The following MYO5C variants were observed in gnomAD, a reference collection of about 807,000 sequenced individuals.
The protein encoded by MYO5C is myosin VC, also known as unconventional myosin-Vc.
MYO5C carries 194 observed loss-of-function variants against 235.7 expected under a neutral mutation model. The ratio of observed to expected loss-of-function variants is 0.82; its 90% CI spans 0.73 to 0.93. The LOEUF (loss-of-function observed/expected upper bound fraction) is 0.93, where lower values mean the gene tolerates loss of function less well. MYO5C is among the 40% of genes least tolerant of loss of function. The probability of loss-of-function intolerance (pLI) is 0.00; values close to 1 mark genes in which losing one functional copy is unlikely to be tolerated. For synonymous variants in MYO5C, 707 were observed against 754.8 expected, an observed-to-expected ratio of 0.94 and a Z score of 1.04; for missense variants, 2,038 against 2,127.2, an observed-to-expected ratio of 0.96 and a Z score of 0.82.
At chr15:52,293,431 C>G (rs1314606262) in intron 1 of MYO5C, among the ~76,000 whole-genome samples, 3 of 152,208 alleles carry the variant, frequency 2.0e-5, no homozygotes, top group African/African-American at 7.2e-5. Context: ...CCATCCCCTC[C>G]CTCTGACACC....
chr15:52,193,451 G>T lies in MYO5C; in HGVS notation c.*451C>A, dbSNP rs2141250259. 6.5e-6 allele frequency: 1 copy of T among 153,418 alleles called. No homozygotes were observed. Among genetic ancestry groups the T allele is most frequent in the African/African-American group, 2.4e-5 (1 of 41,530 alleles). The allele number at this position is 153,418 out of a possible 1,614,324, so 9.5% of individuals were successfully genotyped here. A position where few individuals can be genotyped will look rare whatever the true frequency, so the allele number is the denominator to read the frequency against. On this transcript the variant is annotated 3_prime_UTR_variant, in exon 41 of 41. Coordinates refer to ENST00000261839, the MANE Select transcript of MYO5C (RefSeq NM_018728.4). ...GCAAGAGAACTTTTGGCAGGTCACG[G>T]TGGCCAAACGGGATTTTTTCCTGGA...
intron 36 of MYO5C, among the ~76,000 whole-genome samples, chr15:52,206,179 C>T (rs2035308185): frequency 6.6e-6 from 1 of 152,188 alleles, no homozygotes; most frequent in African/African-American, 2.4e-5. Flanking sequence ...GTCCCACCCA[C>T]TTCCCTACAA....
intron 38 of MYO5C, among the ~76,000 whole-genome samples, chr15:52,204,327 G>A (rs993078619): frequency 6.6e-6 from 1 of 151,692 alleles, no homozygotes; most frequent in Non-Finnish European, 1.5e-5. Flanking sequence ...CGTTTCTCCT[G>A]CTTGGAACGT....
At chr15:52,286,237 G>A (rs1223942124) in intron 1 of MYO5C, among the ~76,000 whole-genome samples, 8 of 149,364 alleles carry the variant, frequency 5.4e-5, no homozygotes, top group African/African-American at 1.5e-4. Flanking sequence ...GTCAGCCCCC[G>A]CCAGGCCAGC....
intron 9 of MYO5C, among the ~76,000 whole-genome samples, chr15:52,262,652 G>A (rs1346617953): frequency 6.6e-6 from 1 of 152,204 alleles, no homozygotes; most frequent in Non-Finnish European, 1.5e-5. Context: ...AGGAGAGGAA[G>A]GAGAATTACT....
intron 33 of MYO5C, among the ~76,000 whole-genome samples, chr15:52,214,201 C>T (rs1277527313): frequency 6.6e-6 from 1 of 152,166 alleles, no homozygotes; most frequent in East Asian, 1.9e-4. Flanking sequence ...AGTCCATGTT[C>T]AGGATGTCTG....
chr15:52,222,657 AG>A (rs1217427824), intron 29 of MYO5C, among the ~76,000 whole-genome samples: 1 of 150,810 alleles, frequency 6.6e-6, no homozygotes, highest in African/African-American at 2.5e-5. Context: ...AGGTGTGCGG[AG>A]GAAGTATGCC....
intron 16 of MYO5C, 75 bp downstream of exon 16, chr15:52,246,842 G>A (rs1405875002): frequency 5.6e-5 from 67 of 1,204,068 alleles, no homozygotes; most frequent in Non-Finnish European, 7.9e-5. Context: ...CAAGACAATT[G>A]GAAGCAAATT....
At position 52,260,955 on chromosome 15, in the gene MYO5C, G is replaced by A; in HGVS notation, c.1220C>T (p.Ala407Val). 3.7e-6 allele frequency: 6 copies of A among 1,614,206 alleles called. No individual in the cohort carries two copies. Among genetic ancestry groups the A allele is most frequent in the Non-Finnish European group, 5.1e-6 (6 of 1,180,026 alleles). The change falls in exon 10 of 41, where the codon GCT (alanine) becomes GTT (valine). Residue 407 changes from alanine to valine, a missense_variant. Transcript: ENST00000261839. The part of the protein sequence containing the change: ...ARDALAKKIY[A>V]HLFDFIVERI... ...CTCCACAATGAAGTCGAACAGGTGA[G>A]CATAGATCTTTTTGGCCAGTGCATC... is the stretch of plus-strand genomic sequence containing the variant.
chr15:52,214,575 G>C, intron 33 of MYO5C, 28 bp downstream of exon 33: 1 of 1,502,692 alleles, frequency 6.7e-7, no homozygotes, highest in Non-Finnish European at 9.1e-7. Context: ...TAGCTCAAAA[G>C]AATAAGAAAA....
At chr15:52,209,871 ATATTTTTG>A (rs2035405562) in intron 35 of MYO5C, among the ~76,000 whole-genome samples, 1 of 152,158 alleles carries the variant, frequency 6.6e-6, no homozygotes, top group Non-Finnish European at 1.5e-5. Flanking sequence ...TGAATTCATG[ATATTTTTG>A]GAAGGAGAGG....
Position 52,218,552 on chromosome 15 carries a change from C to A in MYO5C, c.3921G>T (p.Arg1307=). 2 of 1,614,226 alleles carry A rather than the reference C, an allele frequency of 1.2e-6. No homozygotes were observed. The highest frequency in any genetic ancestry group is 1.3e-5 in the African/African-American group (1 of 75,064). The part of the protein sequence containing the change: ...ETESEVKCNF[R]QEASRLTLEN... ...CCAAAGTGAGCCGGGATGCTTCCTG[C>A]CGGAAGTTACACTTGACTTCACTTT... Residue 1307 remains arginine (R), a synonymous_variant, in exon 32 of 41, where the codon CGG becomes CGT. Coordinates refer to ENST00000261839, the MANE Select transcript of MYO5C (RefSeq NM_018728.4).
At chr15:52,269,030 C>T (rs1233920571) in intron 8 of MYO5C, among the ~76,000 whole-genome samples, 1 of 152,178 alleles carries the variant, frequency 6.6e-6, no homozygotes, top group Non-Finnish European at 1.5e-5. Flanking sequence ...TAGGATGGTG[C>T]CCAGCACATT....
In MYO5C at chr15:52,251,392, T is replaced by C. The variant is rs1271679251; in HGVS notation, c.1660A>G (p.Lys554Glu). 1 of 1,596,130 alleles carries C rather than the reference T, an allele frequency of 6.3e-7. No individual in the cohort carries two copies. The highest frequency in any genetic ancestry group is 1.3e-5 in the African/African-American group (1 of 74,354). The change falls in exon 13 of 41, where the codon AAG (lysine) becomes GAG (glutamate). Residue 554 changes from lysine to glutamate, a missense_variant and splice_region_variant. Lys to Glu is a moderately conservative substitution (Grantham distance 56). Coordinates refer to ENST00000261839, the MANE Select transcript of MYO5C (RefSeq NM_018728.4). ...ATTGATGGAGACCTTCACGGTACCT[T>C]ATCAGCAAAGTGCTGGATGACAAAG... ...TSFVIQHFAD[K>E]VEYKCEGFLE...
At chr15:52,283,156 C>T (rs563231426) in intron 1 of MYO5C, among the ~76,000 whole-genome samples, 14 of 152,212 alleles carry the variant, frequency 9.2e-5, no homozygotes, top group South Asian at 2.1e-4. Context: ...AAGAAATCCG[C>T]GAGTCCCTTA....
intron 13 of MYO5C, among the ~76,000 whole-genome samples, chr15:52,249,317 T>C (rs2036422048): frequency 6.6e-6 from 1 of 152,190 alleles, no homozygotes; most frequent in Non-Finnish European, 1.5e-5. Flanking sequence ...AAACTCTCCA[T>C]GCTGCCCTTT....
intron 8 of MYO5C, among the ~76,000 whole-genome samples, chr15:52,265,641 T>C (rs2036792557): frequency 6.6e-6 from 1 of 151,786 alleles, no homozygotes; most frequent in Admixed American, 6.6e-5. Context: ...TAGGCTCAAG[T>C]AATCCTCCCA....
chr15:52,285,028 T>C (rs2037231750), intron 1 of MYO5C, among the ~76,000 whole-genome samples: 1 of 152,094 alleles, frequency 6.6e-6, no homozygotes, highest in South Asian at 2.1e-4. Flanking sequence ...CAACATTGCA[T>C]TATGCTTAAC....
rs1158363103 is a variant in MYO5C at position 52,193,291 on chromosome 15, G to C, written c.*611C>G. 2 of 138,740 alleles carry C rather than the reference G, an allele frequency of 1.4e-5. No homozygotes were observed. The highest frequency in any genetic ancestry group is 3.0e-5 in the Non-Finnish European group (2 of 65,632). 8.6% of individuals were successfully genotyped at this position (138,740 alleles called of 1,614,324 possible). A position where few individuals can be genotyped will look rare whatever the true frequency, so the allele number is the denominator to read the frequency against. On this transcript the variant is annotated 3_prime_UTR_variant, in exon 41 of 41. Coordinates refer to ENST00000261839, the MANE Select transcript of MYO5C (RefSeq NM_018728.4). ...TCATGCCACTACACTCCAGCCTGGC[G>C]ATAGAGCGAGACTCCGGAGTCTCAA...
Sources: allele counts gnomAD v4.1 joint callset (sites outside exome capture counted in the v4.1 genomes callset), GRCh38; gene constraint gnomAD v4.1.1; transcripts MANE v1.5; gene names NCBI Gene and HGNC (gene_info 2026-07-23, HGNC 2026-07-21).